The following PIP5K1B variants were observed in gnomAD, a reference collection of about 807,000 sequenced individuals.
PIP5K1B encodes the protein phosphatidylinositol-4-phosphate 5-kinase type 1 beta.
In PIP5K1B, 42 loss-of-function variants were observed where a neutral mutation model predicts 67.0. That is an observed-to-expected ratio of 0.63 (90% CI 0.49 to 0.81). The LOEUF is 0.81. Among genes scored for constraint, PIP5K1B ranks in the 30% least tolerant of loss-of-function variants. The probability of loss-of-function intolerance (pLI) is 0.00; values close to 1 mark genes in which losing one functional copy is unlikely to be tolerated. For missense variants in PIP5K1B, 459 were observed against 646.3 expected (o/e 0.71, Z 3.14); for synonymous variants, 214 against 231.4 (o/e 0.92, Z 0.68).
chr9:68,781,475 T>G lies in PIP5K1B; in HGVS notation c.-85-36986T>G, dbSNP rs573139677. Reference sequence around the variant, plus strand: ...TCAGTGGTTGCCGATTTCCATTTGATGAAGAACTATACAGCTTAAAAAAAT... The same window carrying G: ...TCAGTGGTTGCCGATTTCCATTTGAGGAAGAACTATACAGCTTAAAAAAAT... On this transcript the variant is annotated intron_variant, in intron 2 of 15. Coordinates refer to ENST00000265382, the MANE Select transcript of PIP5K1B (RefSeq NM_003558.4). The G allele has an allele frequency of 1.9e-4, 33 of 177,018 alleles. 1 individual carries two copies. The South Asian group carries it at 1.9e-3, about 10-fold the overall frequency. The allele number at this position is 177,018 out of a possible 1,614,324, so 11.0% of individuals were successfully genotyped here. A position where few individuals can be genotyped will look rare whatever the true frequency, so the allele number is the denominator to read the frequency against.
intron 2 of PIP5K1B, among the ~76,000 whole-genome samples, chr9:68,803,356 C>T (rs1366612182): frequency 1.3e-5 from 2 of 152,088 alleles, no homozygotes; most frequent in Non-Finnish European, 1.5e-5. Flanking sequence ...CAGTTAAACC[C>T]ATTGGTGATG....
intron 4 of PIP5K1B, among the ~76,000 whole-genome samples, chr9:68,844,646 G>A (rs1241786572): frequency 6.6e-6 from 1 of 152,128 alleles, no homozygotes; most frequent in Non-Finnish European, 1.5e-5. Context: ...AAAGGTGTTT[G>A]TTGGTAGCTC....
chr9:68,947,761 A>G (rs1827871553), intron 14 of PIP5K1B, among the ~76,000 whole-genome samples: 1 of 152,070 alleles, frequency 6.6e-6, no homozygotes, highest in Non-Finnish European at 1.5e-5. Context: ...GCAATTAGAG[A>G]CTCCAGTATT....
intron 4 of PIP5K1B, among the ~76,000 whole-genome samples, chr9:68,850,659 CA>C (rs1300753655): frequency 3.9e-5 from 6 of 152,218 alleles, no homozygotes; most frequent in Admixed American, 1.3e-4. Flanking sequence ...TATAACCTTT[CA>C]AATAACAAGT....
chr9:68,828,053 T>A (rs1047031988), intron 4 of PIP5K1B, among the ~76,000 whole-genome samples: 1 of 152,230 alleles, frequency 6.6e-6, no homozygotes, highest in Non-Finnish European at 1.5e-5. Flanking sequence ...TCCAGTCACA[T>A]GATGTCCCAT....
Position 68,935,018 on chromosome 9 carries a change from C to T in PIP5K1B, c.1330C>T (p.Gln444Ter). 1.2e-6 allele frequency: 2 copies of T among 1,613,328 alleles called. No homozygotes were observed. Among genetic ancestry groups the T allele is most frequent in the Middle Eastern group, 1.7e-4 (1 of 6,060 alleles). The stretch of plus-strand genomic sequence containing the variant: ...GAAGCGGGATTTGCTGACTGAAGGA[C>T]AAAGTTTTAGCAGCCTTGATGAAGA... ...DEKRDLLTEG[Q>*]SFSSLDEEAL... Residue 444 changes from glutamine to a stop codon, truncating the protein, a stop_gained, in exon 13 of 16, where the codon CAA becomes TAA. Coordinates refer to ENST00000265382, the MANE Select transcript of PIP5K1B (RefSeq NM_003558.4). LOFTEE classifies it high-confidence loss of function.
At chr9:68,808,751 T>G (rs1833005243) in intron 2 of PIP5K1B, among the ~76,000 whole-genome samples, 1 of 152,246 alleles carries the variant, frequency 6.6e-6, no homozygotes, top group African/African-American at 2.4e-5. Context: ...ATTCTGAGAA[T>G]TGATGAATGT....
In PIP5K1B at chr9:68,952,084, C is replaced by T. The variant is rs575609618; in HGVS notation, c.1502+11294C>T. ...AGTTACATCTTGACTGTAGTCCGAT[C>T]GATATTGAGTGTTTTATTATGGCTT... is the stretch of plus-strand genomic sequence containing the variant. On this transcript the variant is annotated intron_variant, in intron 14 of 15. Coordinates refer to ENST00000265382, the MANE Select transcript of PIP5K1B (RefSeq NM_003558.4). 3.9e-5 allele frequency among the ~76,000 whole-genome samples: 6 copies of T among 152,094 alleles called. 1 individual carries two copies. The highest frequency in any genetic ancestry group is 9.6e-5 in the African/African-American group (4 of 41,472).
intron 14 of PIP5K1B, among the ~76,000 whole-genome samples, chr9:68,976,045 G>T (rs558349637): frequency 6.6e-6 from 1 of 152,276 alleles, no homozygotes; most frequent in South Asian, 2.1e-4. Flanking sequence ...TAACAACATG[G>T]CTCTGAATAA....
chr9:68,926,593 A>G (rs1826714403), intron 12 of PIP5K1B, among the ~76,000 whole-genome samples: 1 of 152,020 alleles, frequency 6.6e-6, no homozygotes, highest in Non-Finnish European at 1.5e-5. Context: ...TTATTTTGAG[A>G]TGGTGCCTCA....
At chr9:68,787,335 T>C (rs1831682514) in intron 2 of PIP5K1B, among the ~76,000 whole-genome samples, 1 of 152,194 alleles carries the variant, frequency 6.6e-6, no homozygotes, top group Non-Finnish European at 1.5e-5. Context: ...AGGGAAAATA[T>C]GATTCTACTA....
intron 2 of PIP5K1B, among the ~76,000 whole-genome samples, chr9:68,795,640 A>AAATGTTTTAG (rs1554715992): frequency 6.6e-6 from 1 of 152,136 alleles, no homozygotes; most frequent in Non-Finnish European, 1.5e-5. Flanking sequence ...GCACATTAGC[A>AAATGTTTTAG]AATGTTTTAG....
At chr9:68,940,546 T>C in intron 13 of PIP5K1B, 100 bp from the exon 14 acceptor site, 1 of 1,104,224 alleles carries the variant, frequency 9.1e-7, no homozygotes, top group Non-Finnish European at 1.3e-6. Context: ...TGCAGCCTGA[T>C]AGGTAAAATG....
intron 2 of PIP5K1B, among the ~76,000 whole-genome samples, chr9:68,772,586 T>G (rs2132426737): frequency 6.6e-6 from 1 of 152,314 alleles, no homozygotes; most frequent in East Asian, 1.9e-4. Flanking sequence ...ATGGCCTCTC[T>G]GCCCCAGTGC....
intron 2 of PIP5K1B, among the ~76,000 whole-genome samples, chr9:68,808,599 A>G (rs1221905542): frequency 6.6e-6 from 1 of 152,226 alleles, no homozygotes; most frequent in Non-Finnish European, 1.5e-5. Context: ...TAATGTTTGC[A>G]ATGAAGGCTT....
chr9:68,943,812 G>A (rs1376890129), intron 14 of PIP5K1B, among the ~76,000 whole-genome samples: 1 of 152,166 alleles, frequency 6.6e-6, no homozygotes, highest in Non-Finnish European at 1.5e-5. Context: ...GCTAAAATAA[G>A]CTGCAAATAC....
chr9:68,809,868 A>G (rs1833067481), intron 2 of PIP5K1B, among the ~76,000 whole-genome samples: 1 of 152,194 alleles, frequency 6.6e-6, no homozygotes, highest in African/African-American at 2.4e-5. Context: ...TAGCCACTGC[A>G]ATGCCTGTCT....
chr9:68,998,276 C>T (rs1375009519), intron 15 of PIP5K1B, among the ~76,000 whole-genome samples: 1 of 152,006 alleles, frequency 6.6e-6, no homozygotes, highest in Non-Finnish European at 1.5e-5. Flanking sequence ...AGGCTGGCCT[C>T]GAATTCGACC....
At chr9:68,712,553 C>T (rs1484058537) in intron 1 of PIP5K1B, among the ~76,000 whole-genome samples, 1 of 152,150 alleles carries the variant, frequency 6.6e-6, no homozygotes, top group Non-Finnish European at 1.5e-5. Flanking sequence ...GGTAGGTCCT[C>T]AGTAAATATT....
Sources: allele counts gnomAD v4.1 joint callset (sites outside exome capture counted in the v4.1 genomes callset), GRCh38; gene constraint gnomAD v4.1.1; transcripts MANE v1.5; gene names NCBI Gene and HGNC (gene_info 2026-07-23, HGNC 2026-07-21).